WIPI2: variants seen among roughly 807,000 people sequenced by gnomAD.
WIPI2 encodes the protein WD repeat domain, phosphoinositide interacting 2.
A neutral mutation model predicts 52.3 loss-of-function variants in WIPI2; 28 were observed. The observed-to-expected ratio is 0.54, with a 90% CI of 0.40 to 0.73. WIPI2 has a LOEUF of 0.73. Ranked by LOEUF, WIPI2 falls within the 30% of genes least tolerant of loss-of-function variation. The probability of loss-of-function intolerance (pLI) is 0.00; values close to 1 mark genes in which losing one functional copy is unlikely to be tolerated. For synonymous variants in WIPI2, 268 were observed against 245.0 expected, an observed-to-expected ratio of 1.09 and a Z score of -0.88; for missense variants, 506 against 602.9, an observed-to-expected ratio of 0.84 and a Z score of 1.68.
intron 7 of WIPI2, among the ~76,000 whole-genome samples, chr7:5,219,329 C>G (rs916331534): frequency 1.3e-5 from 2 of 152,196 alleles, no homozygotes; most frequent in African/African-American, 4.8e-5. Context: ...TTTCTTTTCC[C>G]TTTGAAATGG....
At chr7:5,222,084 G>A (rs1210873493) in intron 7 of WIPI2, among the ~76,000 whole-genome samples, 2 of 151,530 alleles carry the variant, frequency 1.3e-5, no homozygotes, top group Non-Finnish European at 2.9e-5. Flanking sequence ...CGAGTAGTTG[G>A]GATTACAGGC....
chr7:5,222,435 T>C (rs1326544457), intron 7 of WIPI2, among the ~76,000 whole-genome samples, 167 bp from the exon 8 acceptor site: 1 of 151,944 alleles, frequency 6.6e-6, no homozygotes, highest in East Asian at 1.9e-4. Flanking sequence ...GCAAAAAGTG[T>C]GGAGATGATG....
intron 2 of WIPI2, among the ~76,000 whole-genome samples, chr7:5,198,974 T>G (rs1052652221): frequency 3.9e-5 from 6 of 152,232 alleles, no homozygotes; most frequent in African/African-American, 1.4e-4. Context: ...AATACCTTAT[T>G]ATCAACTACA....
At chr7:5,206,071 G>A (rs1782281962) in intron 3 of WIPI2, among the ~76,000 whole-genome samples, 1 of 151,850 alleles carries the variant, frequency 6.6e-6, no homozygotes, top group Non-Finnish European at 1.5e-5. Flanking sequence ...GAATTTCTAT[G>A]TATTCAAATG....
chr7:5,221,953 T>TTTA (rs776862783), intron 7 of WIPI2, among the ~76,000 whole-genome samples: 65 of 88,574 alleles, frequency 7.3e-4, no homozygotes, highest in African/African-American at 3.0e-3. Context: ...AGGCTTTTAT[T>TTTA]TTTTTTTTTT....
At position 5,225,882 on chromosome 7, in the gene WIPI2, G is replaced by T. The variant is rs1380089519; in HGVS notation, c.800G>T (p.Ser267Ile). ...SMDGMFLSAS[S>I]NTETVHIFKL... is the part of the protein sequence containing the mutation. ...GACGGCATGTTCCTCTCCGCCTCCAGCAACACTGAGACCGTGCACATCTTC... is the reference window on the plus strand; with the variant it reads ...GACGGCATGTTCCTCTCCGCCTCCATCAACACTGAGACCGTGCACATCTTC... Residue 267 changes from serine to isoleucine, a missense_variant, in exon 9 of 13, where the codon AGC (serine) becomes ATC (isoleucine). Ser to Ile is a moderately radical substitution (Grantham distance 142). This residue lies in a region of WIPI2 where 237 missense variants were observed against 346.9 expected (regional missense o/e 0.68). Transcript: ENST00000288828. The T allele has an allele frequency of 6.2e-7, 1 of 1,613,844 alleles. No individual in the cohort carries two copies. The highest frequency in any genetic ancestry group is 8.5e-7 in the Non-Finnish European group (1 of 1,179,994).
chr7:5,218,165 T>G, intron 7 of WIPI2, 151 bp downstream of exon 7: 1 of 728,048 alleles, frequency 1.4e-6, no homozygotes, highest in Non-Finnish European at 2.3e-6. Flanking sequence ...GCCACAGGCG[T>G]GTACTGCCCG....
chr7:5,190,282 AGGCGGCGGTTGATCCCAGGGTGGCGAGT>A lies in WIPI2; in HGVS notation c.-130_-103del. The stretch of plus-strand genomic sequence containing the variant: ...CATAAACAAGAGCGGGGACGGGATG[AGGCGGCGGTTGATCCCAGGGTGGCGAGT>A]GGCGGCGACCGAGGCGGCGAGCGGG... On this transcript the variant is annotated 5_prime_UTR_variant, in exon 1 of 13. The change abolishes the stop of an existing upstream ORF in the 5' untranslated region. Transcript: ENST00000288828. 2.4e-6 allele frequency: 1 copy of A among 422,780 alleles called. No individual in the cohort carries two copies. The highest frequency in any genetic ancestry group is 3.7e-6 in the Non-Finnish European group (1 of 269,834). 26.2% of individuals were successfully genotyped at this position (422,780 alleles called of 1,614,324 possible).
chr7:5,190,831 T>G (rs901522369), intron 1 of WIPI2: 3 of 212,660 alleles, frequency 1.4e-5, no homozygotes, highest in African/African-American at 6.9e-5. Flanking sequence ...CTTGGCCGCC[T>G]GTGGAGCGCT....
At position 5,232,661 on chromosome 7, in the gene WIPI2, G is replaced by C. The variant is rs1166588422; in HGVS notation, c.*1714G>C. 4.6e-6 allele frequency: 1 copy of C among 219,566 alleles called. No homozygotes were observed. The highest frequency in any genetic ancestry group is 8.9e-6 in the Non-Finnish European group (1 of 112,616). The allele number at this position is 219,566 out of a possible 1,614,324, so 13.6% of individuals were successfully genotyped here. On this transcript the variant is annotated 3_prime_UTR_variant, in exon 13 of 13. Transcript: ENST00000288828. Reference sequence around the variant, plus strand: ...TTGACCCACGCCTGCGTCTTGTGGTGCAAGGCCAGAGGGCTCTCTCTAGAA... The same window carrying C: ...TTGACCCACGCCTGCGTCTTGTGGTCCAAGGCCAGAGGGCTCTCTCTAGAA...
intron 3 of WIPI2, among the ~76,000 whole-genome samples, chr7:5,211,970 T>G (rs1453584860): frequency 6.6e-6 from 1 of 152,226 alleles, no homozygotes; most frequent in Admixed American, 6.5e-5. Flanking sequence ...CACTTCTGCC[T>G]CTTGGATGTA....
chr7:5,221,188 C>G (rs943878796), intron 7 of WIPI2, among the ~76,000 whole-genome samples: 4 of 152,062 alleles, frequency 2.6e-5, no homozygotes, highest in Non-Finnish European at 5.9e-5. Flanking sequence ...GTCTGGAACT[C>G]CTCACCTCAG....
chr7:5,198,907 T>TA (rs1368388814), intron 2 of WIPI2, among the ~76,000 whole-genome samples: 2 of 152,232 alleles, frequency 1.3e-5, no homozygotes, highest in Non-Finnish European at 2.9e-5. Flanking sequence ...CTCAAATAGT[T>TA]ACCTTTTTGT....
At chr7:5,203,247 A>C (rs1447300990) in intron 3 of WIPI2, among the ~76,000 whole-genome samples, 1 of 152,174 alleles carries the variant, frequency 6.6e-6, no homozygotes, top group Non-Finnish European at 1.5e-5. Context: ...TTTCAGTGAG[A>C]TTTATAGTAA....
intron 1 of WIPI2, among the ~76,000 whole-genome samples, chr7:5,191,328 G>C (rs1406871177): frequency 6.6e-6 from 1 of 152,110 alleles, no homozygotes; most frequent in African/African-American, 2.4e-5. Context: ...GGCCCTCCCT[G>C]TTCTTTTTGG....
Position 5,223,757 on chromosome 7 carries a change from C to G in WIPI2, c.740+1085C>G, listed in dbSNP as rs558178796. Among the ~76,000 whole-genome samples the G allele has an allele frequency of 3.3e-5, 5 of 152,316 alleles. No individual in the cohort carries two copies. In the South Asian group the frequency reaches 1.0e-3, roughly 32 times the overall value. On this transcript the variant is annotated intron_variant, in intron 8 of 12. Transcript: ENST00000288828. ...CCACCAGGCCAGTTTGCCCCTGGCCCCTCGTCCCTCACACTCCCCATCTTG... is the reference window on the plus strand; with the variant it reads ...CCACCAGGCCAGTTTGCCCCTGGCCGCTCGTCCCTCACACTCCCCATCTTG...
chr7:5,224,325 C>T (rs764511283), intron 8 of WIPI2, among the ~76,000 whole-genome samples: 22 of 152,238 alleles, frequency 1.4e-4, no homozygotes, highest in Non-Finnish European at 2.9e-4. Context: ...TGGGTTAAAT[C>T]CCTTTCTCCA....
chr7:5,217,043 A>G (rs753105008), intron 5 of WIPI2, 47 bp from the exon 6 acceptor site: 2 of 1,554,934 alleles, frequency 1.3e-6, no homozygotes, highest in South Asian at 1.1e-5. Context: ...CCAAGAAGGA[A>G]CTCTCAGGTG....
Position 5,233,670 on chromosome 7 carries a change from G to C in WIPI2, c.*2723G>C, listed in dbSNP as rs1783835612. Reference sequence around the variant, plus strand: ...CCTGCCTAGCTGTGGGAGCAGGCAGGGCGCCTGGGAGCCTGCGTTTTCTGG... The same window carrying C: ...CCTGCCTAGCTGTGGGAGCAGGCAGCGCGCCTGGGAGCCTGCGTTTTCTGG... On this transcript the variant is annotated 3_prime_UTR_variant, in exon 13 of 13. Coordinates refer to ENST00000288828, the MANE Select transcript of WIPI2 (RefSeq NM_015610.4). 1 of 152,402 alleles carries C rather than the reference G, an allele frequency of 6.6e-6. No individual in the cohort carries two copies. Among genetic ancestry groups the C allele is most frequent in the Non-Finnish European group, 1.5e-5 (1 of 68,038 alleles). The allele number at this position is 152,402 out of a possible 1,614,324, so 9.4% of individuals were successfully genotyped here. A position where few individuals can be genotyped will look rare whatever the true frequency, so the allele number is the denominator to read the frequency against.
Sources: allele counts gnomAD v4.1 joint callset (sites outside exome capture counted in the v4.1 genomes callset), GRCh38; gene constraint gnomAD v4.1.1; regional missense constraint gnomAD v4.1.1; transcripts MANE v1.5; gene names NCBI Gene and HGNC (gene_info 2026-07-23, HGNC 2026-07-21).